The following LDLRAD3 variants were observed in gnomAD, a reference collection of about 807,000 sequenced individuals.
LDLRAD3 encodes the protein low-density lipoprotein receptor class A domain-containing protein 3.
In LDLRAD3, 20 loss-of-function variants were observed where a neutral mutation model predicts 29.4. The observed-to-expected ratio is 0.68, with a 90% CI of 0.48 to 0.99. The LOEUF is 0.99. LDLRAD3 is among the 50% of genes least tolerant of loss of function. The probability of loss-of-function intolerance (pLI) is 0.00; values close to 1 mark genes in which losing one functional copy is unlikely to be tolerated. For synonymous variants in LDLRAD3, 157 were observed against 192.7 expected, an observed-to-expected ratio of 0.81 and a Z score of 1.53; for missense variants, 420 against 454.3, an observed-to-expected ratio of 0.92 and a Z score of 0.69.
chr11:36,132,715 G>A (rs1853944002), intron 4 of LDLRAD3, among the ~76,000 whole-genome samples: 1 of 152,196 alleles, frequency 6.6e-6, no homozygotes, highest in African/African-American at 2.4e-5. Flanking sequence ...TTACAGTCCC[G>A]ATAGGAGAGG....
At chr11:36,110,928 G>T (rs1270825321) in intron 4 of LDLRAD3, among the ~76,000 whole-genome samples, 1 of 152,172 alleles carries the variant, frequency 6.6e-6, no homozygotes. Context: ...ACATAAAAAT[G>T]GACCTGAAAA....
At chr11:36,164,557 A>C (rs1184181278) in intron 4 of LDLRAD3, among the ~76,000 whole-genome samples, 1 of 152,268 alleles carries the variant, frequency 6.6e-6, no homozygotes, top group African/African-American at 2.4e-5. Flanking sequence ...GCTGGCAAGC[A>C]GCAGGGTCCG....
intron 1 of LDLRAD3, among the ~76,000 whole-genome samples, chr11:36,035,518 G>A (rs1024292591): frequency 6.6e-6 from 1 of 152,150 alleles, no homozygotes; most frequent in African/African-American, 2.4e-5. Flanking sequence ...TTGGGACCCT[G>A]CTGGAGGTTA....
At chr11:35,978,261 CAA>C (rs1043715817) in intron 1 of LDLRAD3, among the ~76,000 whole-genome samples, 6 of 152,208 alleles carry the variant, frequency 3.9e-5, no homozygotes, top group African/African-American at 1.4e-4. Context: ...GCATCAAAGG[CAA>C]AATCCAAACT....
chr11:36,020,535 G>A (rs1184180290), intron 1 of LDLRAD3, among the ~76,000 whole-genome samples: 4 of 152,028 alleles, frequency 2.6e-5, no homozygotes, highest in African/African-American at 9.7e-5. Context: ...TAGACACTCT[G>A]TTGTGGGCTC....
intron 4 of LDLRAD3, among the ~76,000 whole-genome samples, chr11:36,173,691 G>C (rs934192310): frequency 2.6e-5 from 4 of 151,846 alleles, no homozygotes; most frequent in Admixed American, 2.6e-4. Flanking sequence ...TAATCCTTTG[G>C]GTATATACCC....
chr11:36,090,757 G>A lies in LDLRAD3; in HGVS notation c.320-7570G>A, dbSNP rs891624786. ...CTCTTGCCTGCTTGCCCAGAGTGGC[G>A]GCCCTTTCCTCTCCTACAGACACAG... On this transcript the variant is annotated intron_variant, in intron 3 of 5. Transcript: ENST00000315571. Among the ~76,000 whole-genome samples, 7 of 152,114 alleles carry A rather than the reference G, an allele frequency of 4.6e-5. No homozygotes were observed. In the East Asian group the frequency reaches 5.8e-4, roughly 13 times the overall value.
chr11:36,204,625 T>C (rs1179768896), intron 4 of LDLRAD3, among the ~76,000 whole-genome samples: 1 of 151,958 alleles, frequency 6.6e-6, no homozygotes, highest in Non-Finnish European at 1.5e-5. Flanking sequence ...GTAGCTGAGA[T>C]TACAGGCACC....
intron 1 of LDLRAD3, among the ~76,000 whole-genome samples, chr11:36,003,473 A>G (rs1276016621): frequency 1.3e-5 from 2 of 152,176 alleles, no homozygotes; most frequent in Non-Finnish European, 2.9e-5. Flanking sequence ...GAATGTTGAT[A>G]GGGTCTTACA....
intron 1 of LDLRAD3, among the ~76,000 whole-genome samples, chr11:36,006,794 C>T (rs1179552681): frequency 6.6e-6 from 1 of 152,266 alleles, no homozygotes; most frequent in African/African-American, 2.4e-5. Flanking sequence ...TGTTATCACA[C>T]AGGGTGAAAT....
intron 4 of LDLRAD3, among the ~76,000 whole-genome samples, chr11:36,156,086 C>G (rs1238117425): frequency 1.3e-5 from 2 of 152,202 alleles, no homozygotes; most frequent in African/African-American, 2.4e-5. Flanking sequence ...AAGAGATTGA[C>G]TCTGCTGATT....
At chr11:36,212,226 G>A (rs532645895) in intron 4 of LDLRAD3, among the ~76,000 whole-genome samples, 155 of 152,276 alleles carry the variant, frequency 1.0e-3, no homozygotes, top group African/African-American at 3.6e-3. Context: ...GTTTCCCTTT[G>A]GATGGGTAGA....
chr11:36,137,092 G>A (rs1374367823), intron 4 of LDLRAD3, among the ~76,000 whole-genome samples: 1 of 152,142 alleles, frequency 6.6e-6, no homozygotes, highest in Non-Finnish European at 1.5e-5. Flanking sequence ...AGCAAATTCT[G>A]GCAGGGCCAG....
At chr11:36,118,012 G>A (rs1853698492) in intron 4 of LDLRAD3, among the ~76,000 whole-genome samples, 1 of 152,124 alleles carries the variant, frequency 6.6e-6, no homozygotes, top group African/African-American at 2.4e-5. Context: ...CAAAGGTGGT[G>A]GAAAAATGTG....
rs76942881 is a variant in LDLRAD3 at position 36,084,699 on chromosome 11, G to A, written c.319+2921G>A. On this transcript the variant is annotated intron_variant, in intron 3 of 5. Coordinates refer to ENST00000315571, the MANE Select transcript of LDLRAD3 (RefSeq NM_174902.4). ...TTTTGTAACTCCTAATGAAAAATGGGTCTAGGTAATGATCATCAATGACTG... is the reference window on the plus strand; with the variant it reads ...TTTTGTAACTCCTAATGAAAAATGGATCTAGGTAATGATCATCAATGACTG... 2.3e-3 allele frequency among the ~76,000 whole-genome samples: 351 copies of A among 152,198 alleles called. 1 individual carries two copies. The highest frequency in any genetic ancestry group is 7.3e-3 in the African/African-American group (305 of 41,524).
chr11:36,175,739 T>C (rs1854665955), intron 4 of LDLRAD3, among the ~76,000 whole-genome samples: 1 of 152,246 alleles, frequency 6.6e-6, no homozygotes, highest in South Asian at 2.1e-4. Context: ...ATATGGTCTG[T>C]CTTAGAGAAT....
At chr11:36,181,293 A>G (rs1387847465) in intron 4 of LDLRAD3, among the ~76,000 whole-genome samples, 2 of 151,778 alleles carry the variant, frequency 1.3e-5, no homozygotes, top group Non-Finnish European at 2.9e-5. Context: ...CTTCCTCACT[A>G]CCCCTGCTTA....
At chr11:36,184,449 A>C (rs192346922) in intron 4 of LDLRAD3, among the ~76,000 whole-genome samples, 1 of 152,130 alleles carries the variant, frequency 6.6e-6, no homozygotes, top group African/African-American at 2.4e-5. Flanking sequence ...TTACTGGTCT[A>C]CTCATGGTAT....
chr11:36,073,041 T>G (rs1374218503), intron 2 of LDLRAD3, among the ~76,000 whole-genome samples: 1 of 152,226 alleles, frequency 6.6e-6, no homozygotes, highest in Non-Finnish European at 1.5e-5. Flanking sequence ...TTTCGGATGC[T>G]AAGGCAGCTG....
Sources: gnomAD v4.1 joint callset for allele counts (sites outside exome capture counted in the v4.1 genomes callset) on GRCh38, gnomAD v4.1.1 for gene constraint, MANE v1.5 for transcripts, NCBI Gene and HGNC (gene_info 2026-07-23, HGNC 2026-07-21) for gene names.